TIMM21: variants seen among roughly 807,000 people sequenced by gnomAD.
TIMM21 encodes the protein translocase of inner mitochondrial membrane 21.
Under a neutral mutation model 27.7 loss-of-function variants are expected in TIMM21, and 30 were observed. The observed-to-expected ratio is 1.08, with a 90% CI of 0.81 to 1.47. The LOEUF (loss-of-function observed/expected upper bound fraction) is 1.47, where lower values mean the gene tolerates loss of function less well. Among genes scored for constraint, TIMM21 ranks in the 40% most tolerant of loss-of-function variants. The pLI is 0.00. For synonymous variants in TIMM21, 121 were observed against 114.4 expected (o/e 1.06, Z -0.37); for missense variants, 292 against 302.9 (o/e 0.96, Z 0.27).
chr18:74,149,227 A>C (rs1568189770), intron 1 of TIMM21, 118 bp downstream of exon 1: 1 of 1,153,884 alleles, frequency 8.7e-7, no homozygotes, highest in Non-Finnish European at 1.2e-6. Flanking sequence ...ATTTTTAAAA[A>C]CCGTTTAAAC....
chr18:74,155,654 A>G (rs1231719247), intron 3 of TIMM21, among the ~76,000 whole-genome samples: 2 of 152,230 alleles, frequency 1.3e-5, no homozygotes, highest in South Asian at 2.1e-4. Flanking sequence ...CTAAATTTTT[A>G]GAATACACCA....
rs1980047905 is a variant in TIMM21 at position 74,159,500 on chromosome 18, T to C, written c.*1020T>C. 6.6e-6 allele frequency: 1 copy of C among 152,062 alleles called. No homozygotes were observed. Among genetic ancestry groups the C allele is most frequent in the Non-Finnish European group, 1.5e-5 (1 of 68,006 alleles). The allele number at this position is 152,062 out of a possible 1,614,324, so 9.4% of individuals were successfully genotyped here. On this transcript the variant is annotated 3_prime_UTR_variant, in exon 6 of 6. Transcript: ENST00000169551. ...CCCGAGAACTGTCTGTAGAGGAATT[T>C]CTGATGTGTTCTTGAAATTTTGGGA...
At chr18:74,151,619 C>T (rs1042321839) in intron 1 of TIMM21, among the ~76,000 whole-genome samples, 9 of 152,168 alleles carry the variant, frequency 5.9e-5, no homozygotes, top group Admixed American at 3.3e-4. Context: ...ACAGTGTCCT[C>T]CTGTCCCTCC....
chr18:74,153,157 A>G (rs1212423371), intron 1 of TIMM21, among the ~76,000 whole-genome samples: 1 of 152,248 alleles, frequency 6.6e-6, no homozygotes, highest in Non-Finnish European at 1.5e-5. Flanking sequence ...GCATACAAGT[A>G]TTAGGTCTGA....
Position 74,149,049 on chromosome 18 carries a change from A to G in TIMM21, c.241A>G (p.Lys81Glu). 1 of 1,614,120 alleles carries G rather than the reference A, an allele frequency of 6.2e-7. No homozygotes were observed. Among genetic ancestry groups the G allele is most frequent in the African/African-American group, 1.3e-5 (1 of 75,054 alleles). The change falls in exon 1 of 6, where the codon AAA becomes GAA. Residue 81 changes from lysine (K) to glutamate (E), a missense_variant. By Grantham distance (56) the Lys-to-Glu change is moderately conservative. Coordinates refer to ENST00000169551, the MANE Select transcript of TIMM21 (RefSeq NM_014177.3). ...SPRKAKEDGS[K>E]QVSVHRSQRG... is the part of the protein sequence containing the mutation. ...CCGAAAAGCAAAGGAGGATGGCAGC[A>G]AACAAGTGTCTGTGCACAGGAGTCA... is the stretch of plus-strand genomic sequence containing the variant.
chr18:74,155,884 A>G (rs560924949), intron 3 of TIMM21, among the ~76,000 whole-genome samples: 1 of 152,314 alleles, frequency 6.6e-6, no homozygotes, highest in South Asian at 2.1e-4. Flanking sequence ...AAAGAGATTA[A>G]GTAACTTCAC....
At chr18:74,154,967 A>G (rs1284078255) in intron 1 of TIMM21, 178 bp from the exon 2 acceptor site, 4 of 620,950 alleles carry the variant, frequency 6.4e-6, no homozygotes, top group Non-Finnish European at 1.1e-5. Flanking sequence ...CCCTGCTCTG[A>G]GAATTCTGCT....
rs1980070062 is a variant in TIMM21 at position 74,160,409 on chromosome 18, G to C, written c.*1929G>C. On this transcript the variant is annotated 3_prime_UTR_variant, in exon 6 of 6. Transcript: ENST00000169551. ...AAAAGGAAAAACTCTGTACCAATAA[G>C]AGATTCTTCTGTATAGCCACAGGAA... The C allele has an allele frequency of 6.6e-6, 1 of 151,968 alleles. No individual in the cohort carries two copies. Among genetic ancestry groups the C allele is most frequent in the Admixed American group, 6.5e-5 (1 of 15,278 alleles). 9.4% of individuals were successfully genotyped at this position (151,968 alleles called of 1,614,324 possible).
chr18:74,158,424 G>T lies in TIMM21; in HGVS notation c.691G>T (p.Glu231Ter). The T allele has an allele frequency of 6.2e-7, 1 of 1,605,622 alleles. No homozygotes were observed. The highest frequency in any genetic ancestry group is 1.1e-5 in the South Asian group (1 of 90,734). ...TTTTCGATATATATTTGTAGAAATT[G>T]AATCTTATCCTAGAAGAACTATTAT... ...YDFRYIFVEI[E>*]SYPRRTIIIE... Residue 231 changes from glutamate (E) to a stop codon, truncating the protein, a stop_gained, in exon 6 of 6, where the codon GAA becomes TAA. Coordinates refer to ENST00000169551, the MANE Select transcript of TIMM21 (RefSeq NM_014177.3). LOFTEE classifies it low-confidence loss of function (END_TRUNC).
rs1980042730 is a variant in TIMM21 at position 74,159,297 on chromosome 18, AG to A, written c.*819del. 2 of 148,180 alleles carry A rather than the reference AG, an allele frequency of 1.3e-5. No homozygotes were observed. The highest frequency in any genetic ancestry group is 5.0e-5 in the African/African-American group (2 of 39,930). The allele number at this position is 148,180 out of a possible 1,614,324, so 9.2% of individuals were successfully genotyped here. A position where few individuals can be genotyped will look rare whatever the true frequency, so the allele number is the denominator to read the frequency against. On this transcript the variant is annotated 3_prime_UTR_variant, in exon 6 of 6. Transcript: ENST00000169551. Reference sequence around the variant, plus strand: ...CCCTTAAAGAAAAAAAAAAAAAAAAAGGAAATTCTATTTTATTTGAAATATT... The same window carrying A: ...CCCTTAAAGAAAAAAAAAAAAAAAAAGAAATTCTATTTTATTTGAAATATT...
At chr18:74,155,231 G>A (rs756718833) in intron 2 of TIMM21, 24 bp downstream of exon 2, 2 of 1,613,710 alleles carry the variant, frequency 1.2e-6, no homozygotes. Flanking sequence ...GCAAGTATAA[G>A]CCCTTGAATA....
At position 74,155,419 on chromosome 18, in the gene TIMM21, T is replaced by A; in HGVS notation, c.462+16T>A. 6.3e-7 allele frequency: 1 copy of A among 1,587,124 alleles called. No homozygotes were observed. The highest frequency in any genetic ancestry group is 8.6e-7 in the Non-Finnish European group (1 of 1,165,086). ...ACATCCTGAGGTTAGTTCTCAAGAT[T>A]GAGTTACATGAACTCTGATGAGGGG... is the stretch of plus-strand genomic sequence containing the variant. On this transcript the variant is annotated intron_variant, in intron 3 of 5. Coordinates refer to ENST00000169551, the MANE Select transcript of TIMM21 (RefSeq NM_014177.3).
At position 74,150,069 on chromosome 18, in the gene TIMM21, C is replaced by T. The variant is rs1414508768; in HGVS notation, c.301+960C>T. ...TTGTCTTTTACTTGGGAGGGCATGT[C>T]TTGGCACGCCCCAGTGTAGCCCCAC... On this transcript the variant is annotated intron_variant, in intron 1 of 5. Transcript: ENST00000169551. Among the ~76,000 whole-genome samples the T allele has an allele frequency of 2.0e-5, 3 of 152,324 alleles. No individual in the cohort carries two copies. The East Asian group carries it at 5.8e-4, about 29-fold the overall frequency.
chr18:74,148,949 T>A lies in TIMM21; in HGVS notation c.141T>A (p.Tyr47Ter), dbSNP rs748198584. The A allele has an allele frequency of 1.2e-5, 19 of 1,613,976 alleles. No individual in the cohort carries two copies. The highest frequency in any genetic ancestry group is 1.6e-5 in the Non-Finnish European group (19 of 1,180,040). Reference protein sequence around the residue: ...TEPSLRCGLQYQKKTLRPRCI... With the variant: ...TEPSLRCGLQ ...CCAGTTTGAGATGTGGGCTTCAATA[T>A]CAAAAGAAAACGCTGCGACCTAGAT... Residue 47 changes from tyrosine to a stop codon, truncating the protein, a stop_gained, in exon 1 of 6, where the codon TAT becomes TAA. Transcript: ENST00000169551. LOFTEE classifies it high-confidence loss of function.
chr18:74,155,947 C>G (rs554451313), intron 3 of TIMM21, among the ~76,000 whole-genome samples: 1 of 152,192 alleles, frequency 6.6e-6, no homozygotes, highest in South Asian at 2.1e-4. Context: ...CCACACAAAT[C>G]CAAAATTTGC....
intron 1 of TIMM21, among the ~76,000 whole-genome samples, chr18:74,154,503 C>T (rs373736593): frequency 1.3e-5 from 2 of 151,810 alleles, no homozygotes; most frequent in Admixed American, 6.6e-5. Flanking sequence ...CCTCGTGATC[C>T]GCCTGCCTCG....
In TIMM21 at chr18:74,158,424, G is replaced by A; in HGVS notation, c.691G>A (p.Glu231Lys). Residue 231 changes from glutamate (E) to lysine (K), a missense_variant, in exon 6 of 6, where the codon GAA becomes AAA. Transcript: ENST00000169551. The stretch of plus-strand genomic sequence containing the variant: ...TTTTCGATATATATTTGTAGAAATT[G>A]AATCTTATCCTAGAAGAACTATTAT... Reference protein sequence around the residue: ...YDFRYIFVEIESYPRRTIIIE... With the variant: ...YDFRYIFVEIKSYPRRTIIIE... 1 of 1,605,624 alleles carries A rather than the reference G, an allele frequency of 6.2e-7. No individual in the cohort carries two copies. The highest frequency in any genetic ancestry group is 8.5e-7 in the Non-Finnish European group (1 of 1,173,742).
rs1485583203 is a variant in TIMM21, at chr18:74,149,107, A to G, written c.299A>G (p.Lys100Arg). 4.4e-6 allele frequency: 7 copies of G among 1,606,608 alleles called. No individual in the cohort carries two copies. The South Asian group carries it at 4.4e-5, about 10-fold the overall frequency. Residue 100 changes from lysine (K) to arginine (R), a missense_variant and splice_region_variant, in exon 1 of 6, where the codon AAA (lysine) becomes AGA (arginine). By Grantham distance (26) the Lys-to-Arg change is conservative. Coordinates refer to ENST00000169551, the MANE Select transcript of TIMM21 (RefSeq NM_014177.3). ...RGGTAVPTSQ[K>R]VKEAGRDFTY... ...GGAACCGCCGTCCCAACATCACAAA[A>G]AGGTAAAAAGGAGTACTTTAATGAT...
At chr18:74,158,323 T>TA (rs1389137434) in intron 5 of TIMM21, 47 bp downstream of exon 5, 1 of 1,609,944 alleles carries the variant, frequency 6.2e-7, no homozygotes, top group African/African-American at 1.3e-5. Context: ...AGCGCGGTGT[T>TA]ATTTAAGTTC....
Sources: gnomAD v4.1 joint callset for allele counts (sites outside exome capture counted in the v4.1 genomes callset) on GRCh38, gnomAD v4.1.1 for gene constraint, MANE v1.5 for transcripts, NCBI Gene and HGNC (gene_info 2026-07-23, HGNC 2026-07-21) for gene names.